THSD7A: variants seen among roughly 807,000 people sequenced by gnomAD.
THSD7A encodes thrombospondin type 1 domain containing 7A.
Under a neutral mutation model 231.3 loss-of-function variants are expected in THSD7A, and 96 were observed. The ratio of observed to expected loss-of-function variants is 0.41; its 90% confidence interval spans 0.35 to 0.49. The LOEUF is 0.49. THSD7A is among the 20% of genes least tolerant of loss of function. THSD7A has a pLI of 0.05. For synonymous variants in THSD7A, 940 were observed against 743.3 expected, an observed-to-expected ratio of 1.26 and a Z score of -4.30; for missense variants, 2,290 against 2,070.2, an observed-to-expected ratio of 1.11 and a Z score of -2.06.
intron 1 of THSD7A, among the ~76,000 whole-genome samples, chr7:11,679,796 ATCCTGATCAAGTTACCAC>A (rs1212978389): frequency 1.3e-5 from 2 of 152,190 alleles, no homozygotes; most frequent in African/African-American, 2.4e-5. Context: ...ATTTAATGCT[ATCCTGATCAAGTTACCAC>A]TGCCTTTCTT....
At chr7:11,445,161 T>G (rs960017377) in intron 13 of THSD7A, among the ~76,000 whole-genome samples, 1 of 151,976 alleles carries the variant, frequency 6.6e-6, no homozygotes, top group Non-Finnish European at 1.5e-5. Context: ...CTGCCATGTA[T>G]CATGCTTCTA....
intron 8 of THSD7A, among the ~76,000 whole-genome samples, chr7:11,471,964 C>T (rs966596006): frequency 6.6e-6 from 1 of 151,960 alleles, no homozygotes; most frequent in Admixed American, 6.6e-5. Context: ...AGATATTAGC[C>T]CTGAATAAAT....
chr7:11,650,981 G>T (rs922618253), intron 1 of THSD7A, among the ~76,000 whole-genome samples: 10 of 151,978 alleles, frequency 6.6e-5, no homozygotes, highest in African/African-American at 2.4e-4. Flanking sequence ...CAATGTGCTA[G>T]GTGCTGTGAT....
chr7:11,775,549 G>A (rs1480632781), intron 1 of THSD7A, among the ~76,000 whole-genome samples: 2 of 152,068 alleles, frequency 1.3e-5, no homozygotes, highest in South Asian at 4.1e-4. Flanking sequence ...GCTACAACAT[G>A]GACATTATGC....
At chr7:11,644,183 T>C (rs1396352408) in intron 1 of THSD7A, among the ~76,000 whole-genome samples, 1 of 152,070 alleles carries the variant, frequency 6.6e-6, no homozygotes, top group Non-Finnish European at 1.5e-5. Flanking sequence ...TTTTGCTTAT[T>C]TTATACTCGT....
chr7:11,465,852 T>C (rs1484269655), intron 9 of THSD7A, among the ~76,000 whole-genome samples: 3 of 152,150 alleles, frequency 2.0e-5, no homozygotes, highest in Non-Finnish European at 2.9e-5. Flanking sequence ...TTTTTAAAAT[T>C]AGAGGTACAA....
intron 3 of THSD7A, among the ~76,000 whole-genome samples, chr7:11,591,247 G>A (rs1291722193): frequency 6.6e-6 from 1 of 151,462 alleles, no homozygotes; most frequent in Non-Finnish European, 1.5e-5. Flanking sequence ...TGGAGCACAG[G>A]AAAGAAGATC....
intron 1 of THSD7A, among the ~76,000 whole-genome samples, chr7:11,735,463 T>G (rs906427897): frequency 6.6e-6 from 1 of 152,070 alleles, no homozygotes; most frequent in East Asian, 1.9e-4. Flanking sequence ...AAATCTTGCA[T>G]AAAATTACCT....
chr7:11,693,280 T>C (rs1780290107), intron 1 of THSD7A, among the ~76,000 whole-genome samples: 1 of 151,564 alleles, frequency 6.6e-6, no homozygotes, highest in African/African-American at 2.4e-5. Context: ...TCAATATATG[T>C]GAATATTATA....
intron 1 of THSD7A, among the ~76,000 whole-genome samples, chr7:11,681,003 A>G (rs939358260): frequency 1.3e-5 from 2 of 152,204 alleles, no homozygotes; most frequent in Non-Finnish European, 2.9e-5. Flanking sequence ...CATATACACC[A>G]TAGAATAATA....
rs1781981671 is a variant in THSD7A at position 11,738,225 on chromosome 7, C to G, written c.190+93532G>C. Among the ~76,000 whole-genome samples the G allele has an allele frequency of 3.3e-5, 5 of 151,992 alleles. No homozygotes were observed. The South Asian group carries it at 1.0e-3, about 32-fold the overall frequency. On this transcript the variant is annotated intron_variant, in intron 1 of 27. Transcript: ENST00000423059. The stretch of plus-strand genomic sequence containing the variant: ...TTGGCACTATATTGATTGAGCATCC[C>G]AAATCTGAAAATCCAAAATCTAAAA...
intron 1 of THSD7A, among the ~76,000 whole-genome samples, chr7:11,675,145 C>T (rs1301021269): frequency 6.6e-6 from 1 of 152,028 alleles, no homozygotes; most frequent in Non-Finnish European, 1.5e-5. Context: ...GGTGTTGCCT[C>T]ACCCAGGAAG....
intron 1 of THSD7A, among the ~76,000 whole-genome samples, chr7:11,709,684 GA>G (rs1488843013): frequency 6.6e-6 from 1 of 150,798 alleles, no homozygotes; most frequent in African/African-American, 2.4e-5. Flanking sequence ...ACACCTAGAA[GA>G]AGCCAGTGCT....
intron 1 of THSD7A, among the ~76,000 whole-genome samples, chr7:11,758,031 AT>A (rs1782740456): frequency 6.8e-6 from 1 of 147,840 alleles, no homozygotes; most frequent in Non-Finnish European, 1.5e-5. Context: ...ATATATATAT[AT>A]ATATATAATG....
intron 1 of THSD7A, among the ~76,000 whole-genome samples, chr7:11,748,260 A>G (rs930342356): frequency 3.3e-5 from 5 of 151,918 alleles, no homozygotes; most frequent in East Asian, 1.9e-4. Flanking sequence ...TTAAATTTGA[A>G]TAGTAACAAA....
In THSD7A at chr7:11,474,060, T is replaced by C. The variant is rs768769904; in HGVS notation, c.2252+274A>G. On this transcript the variant is annotated intron_variant, in intron 8 of 27. Coordinates refer to ENST00000423059, the MANE Select transcript of THSD7A (RefSeq NM_015204.3). The surrounding 1 kb of genome is among the most constrained non-coding windows in gnomAD (Gnocchi z 4.1). ...GGCTTACGGCAAGCACTTCTTTCAT[T>C]GCCTCACTAGCTTAATAAAAGCAGA... Among the ~76,000 whole-genome samples the C allele has an allele frequency of 9.9e-5, 15 of 152,150 alleles. No individual in the cohort carries two copies. The highest frequency in any genetic ancestry group is 1.8e-4 in the Non-Finnish European group (12 of 68,020).
intron 1 of THSD7A, among the ~76,000 whole-genome samples, chr7:11,739,778 C>T (rs1782043838): frequency 6.6e-6 from 1 of 151,856 alleles, no homozygotes; most frequent in African/African-American, 2.4e-5. Flanking sequence ...TTTCTTCTTA[C>T]ACCTGTCGTA....
chr7:11,647,037 T>C (rs748999654), intron 1 of THSD7A, among the ~76,000 whole-genome samples: 8 of 152,052 alleles, frequency 5.3e-5, no homozygotes, highest in Admixed American at 3.9e-4. Flanking sequence ...GTCCAGAGAA[T>C]AGAATGATTA....
intron 1 of THSD7A, among the ~76,000 whole-genome samples, chr7:11,675,406 C>T (rs982003602): frequency 1.2e-4 from 18 of 152,008 alleles, no homozygotes; most frequent in South Asian, 2.1e-4. Flanking sequence ...GGAATGCTAG[C>T]GAGACAGAAC....
Sources: gnomAD v4.1 joint callset for allele counts (sites outside exome capture counted in the v4.1 genomes callset) on GRCh38, gnomAD v4.1.1 for gene constraint, Gnocchi (gnomAD v3.1) non-coding constraint, MANE v1.5 for transcripts, NCBI Gene and HGNC (gene_info 2026-07-23, HGNC 2026-07-21) for gene names.